The following ARID1B variants were observed in gnomAD, a reference collection of about 807,000 sequenced individuals.
The protein encoded by ARID1B is AT-rich interactive domain-containing protein 1B.
ARID1B carries 30 observed loss-of-function variants against 212.3 expected under a neutral mutation model. The observed-to-expected ratio is 0.14, with a 90% CI of 0.11 to 0.19. The LOEUF is 0.19. Ranked by LOEUF, ARID1B falls within the 10% of genes least tolerant of loss-of-function variation. The probability of loss-of-function intolerance (pLI) is 1.00; values close to 1 mark genes in which losing one functional copy is unlikely to be tolerated. For missense variants in ARID1B, 2,891 were observed against 3,204.0 expected, an observed-to-expected ratio of 0.90 and a Z score of 2.36; for synonymous variants, 1,402 against 1,301.7, an observed-to-expected ratio of 1.08 and a Z score of -1.66.
intron 4 of ARID1B, among the ~76,000 whole-genome samples, chr6:156,989,207 C>G (rs1778122709): frequency 1.3e-5 from 2 of 152,188 alleles, no homozygotes; most frequent in African/African-American, 4.8e-5. Flanking sequence ...CGAAACCCCT[C>G]TAAGTCAGGT....
chr6:157,110,886 T>C (rs1228201583), intron 6 of ARID1B: 2 of 366,212 alleles, frequency 5.5e-6, no homozygotes, highest in East Asian at 5.2e-5. Flanking sequence ...ATGACTCAAC[T>C]AGGGTATCAG....
At chr6:157,126,320 A>G (rs914616166) in intron 6 of ARID1B, among the ~76,000 whole-genome samples, 1 of 152,202 alleles carries the variant, frequency 6.6e-6, no homozygotes, top group Admixed American at 6.5e-5. Flanking sequence ...GTGGACCCAC[A>G]CAGCGAATGG....
At chr6:157,123,026 C>CA (rs1372633659) in intron 6 of ARID1B, among the ~76,000 whole-genome samples, 2 of 152,232 alleles carry the variant, frequency 1.3e-5, no homozygotes, top group East Asian at 3.9e-4. Context: ...TTAACCCCCA[C>CA]AAAAAACCTA....
chr6:156,894,442 CT>C (rs1788226290), intron 2 of ARID1B, among the ~76,000 whole-genome samples: 1 of 152,130 alleles, frequency 6.6e-6, no homozygotes, highest in African/African-American at 2.4e-5. Flanking sequence ...CATCATTGAA[CT>C]GTATACTTCA....
intron 7 of ARID1B, among the ~76,000 whole-genome samples, chr6:157,146,880 T>A (rs2128626255): frequency 6.6e-6 from 1 of 152,332 alleles, no homozygotes; most frequent in African/African-American, 2.4e-5. Flanking sequence ...CAACATTCAG[T>A]TATCAGGAGG....
chr6:156,956,884 C>T (rs1398510997), intron 4 of ARID1B, among the ~76,000 whole-genome samples: 1 of 152,106 alleles, frequency 6.6e-6, no homozygotes, highest in Non-Finnish European at 1.5e-5. Context: ...AATTTAAACA[C>T]CCTCATGTGG....
At chr6:156,823,688 G>GTTTTTTTTTTT (rs56983474) in intron 1 of ARID1B, among the ~76,000 whole-genome samples, 1 of 118,028 alleles carries the variant, frequency 8.5e-6, no homozygotes, top group African/African-American at 3.2e-5. Flanking sequence ...TTTCTTTGTT[G>GTTTTTTTTTTT]TTTTTTTTTT....
At chr6:157,158,536 C>T (rs1790713504) in intron 8 of ARID1B, among the ~76,000 whole-genome samples, 1 of 152,198 alleles carries the variant, frequency 6.6e-6, no homozygotes, top group South Asian at 2.1e-4. Context: ...TTCCCCCTCG[C>T]ACTGCTAAAA....
intron 7 of ARID1B, among the ~76,000 whole-genome samples, chr6:157,146,324 A>T (rs187022105): frequency 6.6e-6 from 1 of 152,216 alleles, no homozygotes; most frequent in African/African-American, 2.4e-5. Flanking sequence ...TGTTTTACAG[A>T]GAAGAGAATG....
intron 3 of ARID1B, among the ~76,000 whole-genome samples, chr6:156,914,188 C>A (rs1790160722): frequency 1.3e-5 from 2 of 149,920 alleles, no homozygotes; most frequent in African/African-American, 2.5e-5. Flanking sequence ...CCACTCTACT[C>A]CCCAGCTCCC....
chr6:157,003,367 G>A (rs1486724761), intron 4 of ARID1B, among the ~76,000 whole-genome samples: 3 of 152,168 alleles, frequency 2.0e-5, no homozygotes, highest in African/African-American at 7.2e-5. Flanking sequence ...CCCCTACCTC[G>A]TACTGTACAT....
intron 1 of ARID1B, among the ~76,000 whole-genome samples, chr6:156,809,383 C>T (rs986393291): frequency 6.6e-6 from 1 of 152,146 alleles, no homozygotes; most frequent in Non-Finnish European, 1.5e-5. Flanking sequence ...TTTAAGAAGA[C>T]ATTTTACAGT....
chr6:156,915,783 C>T (rs1400964724), intron 3 of ARID1B, among the ~76,000 whole-genome samples: 1 of 151,644 alleles, frequency 6.6e-6, no homozygotes, highest in Non-Finnish European at 1.5e-5. Flanking sequence ...GTAGTTGCAG[C>T]TACTTGGGAG....
chr6:156,991,296 T>C (rs1232503368), intron 4 of ARID1B, among the ~76,000 whole-genome samples: 1 of 152,224 alleles, frequency 6.6e-6, no homozygotes, highest in African/African-American at 2.4e-5. Flanking sequence ...AATGGTGCGA[T>C]CTCGGCTCAC....
In ARID1B at chr6:156,779,229, G is replaced by GGCGGCAGCTACCCCGAGT; in HGVS notation, c.1550_1567dup (p.Glu522_Tyr523insCysGlySerTyrProGlu). 7.9e-7 allele frequency: 1 copy of GGCGGCAGCTACCCCGAGT among 1,264,114 alleles called. No homozygotes were observed. Among genetic ancestry groups the GGCGGCAGCTACCCCGAGT allele is most frequent in the Non-Finnish European group, 1.0e-6 (1 of 996,766 alleles). 78.3% of individuals were successfully genotyped at this position (1,264,114 alleles called of 1,614,324 possible). On this transcript the variant is annotated inframe_insertion, in exon 1 of 20. Transcript: ENST00000636930. ...GCCCAGCCCCATGATGCGGAGCTAC[G>GGCGGCAGCTACCCCGAGT]GCGGCAGCTACCCCGAGTACAGCAG...
chr6:156,887,529 G>A (rs928947896), intron 2 of ARID1B, among the ~76,000 whole-genome samples: 1 of 152,096 alleles, frequency 6.6e-6, no homozygotes, highest in African/African-American at 2.4e-5. Flanking sequence ...TCTTTTTAAA[G>A]GATGATGCTT....
intron 1 of ARID1B, among the ~76,000 whole-genome samples, chr6:156,822,420 C>G (rs367563128): frequency 6.6e-6 from 1 of 152,164 alleles, no homozygotes; most frequent in Admixed American, 6.5e-5. Context: ...ACTGTGGACC[C>G]GAGTTGGGAG....
chr6:156,894,166 A>T (rs1788186182), intron 2 of ARID1B, among the ~76,000 whole-genome samples: 1 of 152,122 alleles, frequency 6.6e-6, no homozygotes, highest in South Asian at 2.1e-4. Context: ...CTCAGACACA[A>T]AATAAGCCAG....
intron 1 of ARID1B, among the ~76,000 whole-genome samples, chr6:156,826,816 G>T (rs1027568442): frequency 3.9e-5 from 6 of 152,066 alleles, no homozygotes; most frequent in African/African-American, 1.4e-4. Context: ...CTGTTTCGTT[G>T]CTACACCTGA....
Sources: gnomAD v4.1 joint callset for allele counts (sites outside exome capture counted in the v4.1 genomes callset) on GRCh38, gnomAD v4.1.1 for gene constraint, MANE v1.5 for transcripts, NCBI Gene and HGNC (gene_info 2026-07-23, HGNC 2026-07-21) for gene names.